SACM1L: variants seen among roughly 807,000 people sequenced by gnomAD.
SACM1L encodes SAC1 like phosphatidylinositide phosphatase.
SACM1L carries 32 observed loss-of-function variants against 89.5 expected under a neutral mutation model. The ratio of observed to expected loss-of-function variants is 0.36; its 90% confidence interval spans 0.27 to 0.48. The LOEUF (loss-of-function observed/expected upper bound fraction) is 0.48. SACM1L is among the 20% of genes least tolerant of loss of function. SACM1L has a pLI of 0.99. For synonymous variants in SACM1L, 213 were observed against 232.8 expected (o/e 0.92, Z 0.77); for missense variants, 543 against 708.5 (o/e 0.77, Z 2.65).
Position 45,737,820 on chromosome 3 carries a change from G to GTGCCTTGAAGACTGACTT in SACM1L, c.1360_1377dup (p.Ala454_Phe459dup). 1.2e-6 allele frequency: 2 copies of GTGCCTTGAAGACTGACTT among 1,614,072 alleles called. No homozygotes were observed. The highest frequency in any genetic ancestry group is 1.7e-6 in the Non-Finnish European group (2 of 1,179,966). ...TGTGCCAAGCAATATGCGGGAACTG[G>GTGCCTTGAAGACTGACTT]TGCCTTGAAGACTGACTTTACCAGG... is the stretch of plus-strand genomic sequence containing the variant. On this transcript the variant is annotated inframe_insertion, in exon 16 of 20. Coordinates refer to ENST00000389061, the MANE Select transcript of SACM1L (RefSeq NM_014016.5).
intron 14 of SACM1L, chr3:45,737,179 G>A (rs1420746760): frequency 5.4e-6 from 1 of 185,496 alleles, no homozygotes; most frequent in East Asian, 1.7e-4. Flanking sequence ...GTAAGGCTGG[G>A]GTGACTCAGG....
intron 8 of SACM1L, 59 bp from the exon 9 acceptor site, chr3:45,721,941 T>A (rs1195212810): frequency 8.7e-7 from 1 of 1,147,860 alleles, no homozygotes; most frequent in Non-Finnish European, 1.3e-6. Flanking sequence ...ATTAGTGGGT[T>A]TCTGATGTGT....
At chr3:45,707,858 A>G (rs1299185048) in intron 4 of SACM1L, among the ~76,000 whole-genome samples, 1 of 152,154 alleles carries the variant, frequency 6.6e-6, no homozygotes, top group Non-Finnish European at 1.5e-5. Flanking sequence ...CTATATGACA[A>G]GAAGGCGGCA....
At chr3:45,699,855 GT>G (rs1163299233) in intron 1 of SACM1L, among the ~76,000 whole-genome samples, 3 of 151,934 alleles carry the variant, frequency 2.0e-5, no homozygotes, top group Admixed American at 6.6e-5. Flanking sequence ...AATGGAGATA[GT>G]TTTTTTTCTG....
At chr3:45,698,837 G>T (rs2125682735) in intron 1 of SACM1L, among the ~76,000 whole-genome samples, 1 of 152,202 alleles carries the variant, frequency 6.6e-6, no homozygotes, top group Middle Eastern at 3.4e-3. Context: ...CGTGATCTCA[G>T]CTCACTGCAA....
intron 3 of SACM1L, 42 bp downstream of exon 3, chr3:45,705,251 C>G (rs762341763): frequency 2.4e-6 from 3 of 1,233,464 alleles, no homozygotes; most frequent in Non-Finnish European, 3.6e-6. Context: ...AGGTAATTAG[C>G]AAGGTAGTTA....
chr3:45,723,563 TG>T lies in SACM1L; in HGVS notation c.921+26del, dbSNP rs777735054. On this transcript the variant is annotated intron_variant, in intron 11 of 19. Transcript: ENST00000389061. Reference sequence around the variant, plus strand: ...AATCTGGTATGTTTCTTATGTTTCTTGGGGGGAAAAAAAAGCCTTAACTTTT... The same window carrying T: ...AATCTGGTATGTTTCTTATGTTTCTTGGGGGAAAAAAAAGCCTTAACTTTT... 11 of 1,316,296 alleles carry T rather than the reference TG, an allele frequency of 8.4e-6. No individual in the cohort carries two copies. The highest frequency in any genetic ancestry group is 3.2e-5 in the South Asian group (2 of 63,086). 81.5% of individuals were successfully genotyped at this position (1,316,296 alleles called of 1,614,324 possible).
intron 9 of SACM1L, among the ~76,000 whole-genome samples, chr3:45,722,536 A>G (rs1416481779): frequency 6.6e-6 from 1 of 152,250 alleles, no homozygotes; most frequent in Non-Finnish European, 1.5e-5. Flanking sequence ...TTTGAAAATG[A>G]ATAAAGCAAT....
intron 12 of SACM1L, 140 bp downstream of exon 12, chr3:45,731,520 G>T: frequency 2.1e-6 from 1 of 470,700 alleles, no homozygotes. Context: ...TATTTTGTTG[G>T]CTTGAAATTT....
In SACM1L at chr3:45,739,482, T is replaced by C. The variant is rs1699270966; in HGVS notation, c.1570-105T>C. 5 of 966,494 alleles carry C rather than the reference T, an allele frequency of 5.2e-6. No homozygotes were observed. The Admixed American group carries it at 6.8e-5, about 13-fold the overall frequency. The allele number at this position is 966,494 out of a possible 1,614,324, so 59.9% of individuals were successfully genotyped here. ...CAAAAGATATTAGCTGTGTATTAGC[T>C]GACAGATGAGTTTTATTCTTTTCCC... On this transcript the variant is annotated intron_variant, in intron 18 of 19. Transcript: ENST00000389061.
chr3:45,719,421 A>G, intron 7 of SACM1L, 79 bp from the exon 8 acceptor site: 1 of 745,980 alleles, frequency 1.3e-6, no homozygotes, highest in Non-Finnish European at 2.1e-6. Context: ...GACCATCATT[A>G]GGATAGATAG....
chr3:45,735,414 GC>G, intron 14 of SACM1L, 41 bp downstream of exon 14: 1 of 1,481,524 alleles, frequency 6.7e-7, no homozygotes, highest in Non-Finnish European at 9.0e-7. Flanking sequence ...AAACAACACA[GC>G]AAAAAATTAA....
chr3:45,727,261 A>AT (rs1698943489), intron 11 of SACM1L, among the ~76,000 whole-genome samples: 1 of 151,398 alleles, frequency 6.6e-6, no homozygotes, highest in African/African-American at 2.4e-5. Context: ...TCTTGCTGGG[A>AT]TTTTTTCTTT....
intron 11 of SACM1L, 62 bp from the exon 12 acceptor site, chr3:45,731,239 T>C: frequency 8.9e-7 from 1 of 1,129,316 alleles, no homozygotes; most frequent in Admixed American, 2.1e-5. Flanking sequence ...TTTGTCCTTT[T>C]TCTGATACCA....
intron 16 of SACM1L, 140 bp from the exon 17 acceptor site, chr3:45,738,438 T>C: frequency 1.7e-6 from 1 of 591,632 alleles, no homozygotes; most frequent in South Asian, 2.2e-5. Context: ...GTGATTTCTT[T>C]TGTGAAGTAT....
chr3:45,689,767 C>T (rs929616256), intron 1 of SACM1L: 4 of 581,826 alleles, frequency 6.9e-6, no homozygotes, highest in Non-Finnish European at 1.2e-5. Flanking sequence ...CCCACCGAGC[C>T]GGGGTCGGCG....
chr3:45,722,198 T>C, intron 9 of SACM1L, 113 bp downstream of exon 9: 1 of 668,086 alleles, frequency 1.5e-6, no homozygotes, highest in Non-Finnish European at 2.5e-6. Flanking sequence ...TATGTAATAT[T>C]TTTATCTATG....
At chr3:45,695,556 C>T (rs923512827) in intron 1 of SACM1L, among the ~76,000 whole-genome samples, 1 of 152,170 alleles carries the variant, frequency 6.6e-6, no homozygotes, top group Admixed American at 6.6e-5. Context: ...CCACTGCACC[C>T]AGCCAAATTC....
chr3:45,745,362 ATGTAC>A lies in SACM1L; in HGVS notation c.*1698_*1702del, dbSNP rs1166816571. ...CTGCGACGATTTTATTTCTAAATTC[ATGTAC>A]TGTATGTCCATAAGTGAAAATAAAA... On this transcript the variant is annotated 3_prime_UTR_variant, in exon 20 of 20. Transcript: ENST00000389061. 4.6e-5 allele frequency: 7 copies of A among 152,800 alleles called. No individual in the cohort carries two copies. In the South Asian group the frequency reaches 1.4e-3, roughly 32 times the overall value. The allele number at this position is 152,800 out of a possible 1,614,324, so 9.5% of individuals were successfully genotyped here.
Sources: allele counts gnomAD v4.1 joint callset (sites outside exome capture counted in the v4.1 genomes callset), GRCh38; gene constraint gnomAD v4.1.1; transcripts MANE v1.5; gene names NCBI Gene and HGNC (gene_info 2026-07-23, HGNC 2026-07-21).